The following JAK3 variants were observed in gnomAD, a reference collection of about 807,000 sequenced individuals.
JAK3 encodes tyrosine-protein kinase JAK3.
In JAK3, 88 loss-of-function variants were observed where a neutral mutation model predicts 120.8. That is an observed-to-expected ratio of 0.73 (90% confidence interval 0.61 to 0.87). The LOEUF (loss-of-function observed/expected upper bound fraction) is 0.87. Ranked by LOEUF, JAK3 falls within the 40% of genes least tolerant of loss-of-function variation. The pLI is 0.00. For missense variants in JAK3, 1,254 were observed against 1,501.4 expected, an observed-to-expected ratio of 0.84 and a Z score of 2.72; for synonymous variants, 592 against 628.6, an observed-to-expected ratio of 0.94 and a Z score of 0.87.
chr19:17,842,618 G>T lies in JAK3; in HGVS notation c.567-8C>A, dbSNP rs753082440. The stretch of plus-strand genomic sequence containing the variant: ...GGTAGGCAGGCCTTGTAGCTGCAGG[G>T]GTTGGAGGGGAGGGAGCCGGCCCTC... On this transcript the variant is annotated splice_region_variant and splice_polypyrimidine_tract_variant and intron_variant, in intron 5 of 23. Transcript: ENST00000458235. The surrounding 1 kb of genome is among the most constrained non-coding windows in gnomAD (Gnocchi z 6.4). The T allele has an allele frequency of 8.0e-5, 125 of 1,559,904 alleles. No individual in the cohort carries two copies. The highest frequency in any genetic ancestry group is 1.0e-4 in the Non-Finnish European group (118 of 1,150,078).
chr19:17,843,228 G>T lies in JAK3; in HGVS notation c.421-56C>A. ...AGGCCACCCAACTTCAAGCCCTGTTGTTAACCTGCAGACCCCCCCAATCCT... is the reference window on the plus strand; with the variant it reads ...AGGCCACCCAACTTCAAGCCCTGTTTTTAACCTGCAGACCCCCCCAATCCT... On this transcript the variant is annotated intron_variant, in intron 4 of 23. Coordinates refer to ENST00000458235, the MANE Select transcript of JAK3 (RefSeq NM_000215.4). This position sits in a 1 kb window ranked among gnomAD's most constrained non-coding sequence, Gnocchi z 5.4. 1 of 1,569,630 alleles carries T rather than the reference G, an allele frequency of 6.4e-7. No individual in the cohort carries two copies. Among genetic ancestry groups the T allele is most frequent in the Non-Finnish European group, 8.6e-7 (1 of 1,158,480 alleles).
In JAK3 at chr19:17,826,910, C is replaced by A. The variant is rs1418355502; in HGVS notation, c.3208G>T (p.Val1070Phe). 6.2e-7 allele frequency: 1 copy of A among 1,608,460 alleles called. No homozygotes were observed. The change falls in exon 24 of 24, where the codon GTT (valine) becomes TTT (phenylalanine). Residue 1070 changes from valine to phenylalanine, a missense_variant and splice_region_variant. Around this residue, in one of 3 missense-constraint regions of JAK3, gnomAD observed 630 missense variants for 819.8 expected, o/e 0.77. Transcript: ENST00000458235. ...LPAPPACPAE[V>F]HELMKLCWAP... is the part of the protein sequence containing the mutation. ...CAGCACAGCTTCATGAGCTCGTGAA[C>A]CTGAGGGGCGGGGGACAGATAATGG...
Position 17,834,718 on chromosome 19 carries a change from G to C in JAK3, c.2203C>G (p.Leu735Val), listed in dbSNP as rs761877136. The C allele has an allele frequency of 1.9e-6, 3 of 1,614,130 alleles. No individual in the cohort carries two copies. Among genetic ancestry groups the C allele is most frequent in the Non-Finnish European group, 2.5e-6 (3 of 1,180,012 alleles). ...TGCTGCCGGTCCTCATAAAATTGGA[G>C]TTTCTGAGGGTGAGAGGAGCAGTCG... ...PISALDPAKK[L>V]QFYEDRQQLP... The change falls in exon 17 of 24, where the codon CTC becomes GTC. Residue 735 changes from leucine (L) to valine (V), a missense_variant. Around this residue, in one of 3 missense-constraint regions of JAK3, gnomAD observed 630 missense variants for 819.8 expected, o/e 0.77. Transcript: ENST00000458235.
Position 17,831,816 on chromosome 19 carries a change from T to A in JAK3, c.2681-18A>T, listed in dbSNP as rs1305271328. On this transcript the variant is annotated intron_variant, in intron 19 of 23. Transcript: ENST00000458235. The surrounding 1 kb of genome is among the most constrained non-coding windows in gnomAD (Gnocchi z 5.1). ...CTGGCGGCCTGGAGAAGGCAGGATC[T>A]GTCACAGCAGGGCCCAGCCCTGCTC... is the stretch of plus-strand genomic sequence containing the variant. 5 of 1,612,542 alleles carry A rather than the reference T, an allele frequency of 3.1e-6. No homozygotes were observed. Among genetic ancestry groups the A allele is most frequent in the Non-Finnish European group, 4.2e-6 (5 of 1,179,756 alleles).
rs761583989 is a variant in JAK3, at chr19:17,842,336, A to C, written c.841T>G (p.Trp281Gly). Reference sequence around the variant, plus strand: ...CTCACCTCCTGTTCTCCCTGGGTCCAGGCGATGCCGCCGTCACCAGCCACG... The same window carrying C: ...CTCACCTCCTGTTCTCCCTGGGTCCCGGCGATGCCGCCGTCACCAGCCACG... Reference protein sequence around the residue: ...LRVAGDGGIAWTQGEQEVLQP... With the variant: ...LRVAGDGGIAGTQGEQEVLQP... The change falls in exon 6 of 24, where the codon TGG (tryptophan) becomes GGG (glycine). Residue 281 changes from tryptophan (W) to glycine (G), a missense_variant. By Grantham distance (184) the Trp-to-Gly change is radical. This residue lies in a region of JAK3 where 486 missense variants were observed against 503.0 expected (regional missense o/e 0.97). Transcript: ENST00000458235. The surrounding 1 kb of genome is among the most constrained non-coding windows in gnomAD (Gnocchi z 6.4). 9 of 1,568,940 alleles carry C rather than the reference A, an allele frequency of 5.7e-6. No homozygotes were observed. Among genetic ancestry groups the C allele is most frequent in the Non-Finnish European group, 7.7e-6 (9 of 1,163,654 alleles).
At position 17,830,135 on chromosome 19, in the gene JAK3, C is replaced by A; in HGVS notation, c.3180G>T (p.Leu1060=). Residue 1060 remains leucine (L), a synonymous_variant, in exon 23 of 24, where the codon CTG becomes CTT. Coordinates refer to ENST00000458235, the MANE Select transcript of JAK3 (RefSeq NM_000215.4). ...CAGCAGGGCAGGCAGGAGGCGCCGG[C>A]AGCCTCTGGCCCTCCTCCAGCAGTT... The part of the protein sequence containing the change: ...LLELLEEGQR[L]PAPPACPAEV... 1 of 1,588,442 alleles carries A rather than the reference C, an allele frequency of 6.3e-7. No individual in the cohort carries two copies. Among genetic ancestry groups the A allele is most frequent in the Non-Finnish European group, 8.6e-7 (1 of 1,168,672 alleles).
rs200172082 is a variant in JAK3 at position 17,826,626 on chromosome 19, G to A, written c.*117C>T. ...CCCCCCCAAATGCAATGTCATGGGG[G>A]TGTTCCTGAAGTAGAGGACCCTCAT... On this transcript the variant is annotated 3_prime_UTR_variant, in exon 24 of 24. Transcript: ENST00000458235. The A allele has an allele frequency of 1.8e-6, 2 of 1,094,430 alleles. No individual in the cohort carries two copies. The highest frequency in any genetic ancestry group is 3.1e-5 in the African/African-American group (2 of 64,980). The allele number at this position is 1,094,430 out of a possible 1,614,324, so 67.8% of individuals were successfully genotyped here.
intron 8 of JAK3, 116 bp from the exon 9 acceptor site, chr19:17,840,457 C>T: frequency 1.4e-6 from 1 of 723,358 alleles, no homozygotes; most frequent in Non-Finnish European, 2.4e-6. Flanking sequence ...GTGACACCCT[C>T]CCCCCATTTA....
intron 11 of JAK3, 93 bp downstream of exon 11, chr19:17,838,170 G>A (rs916666779): frequency 4.1e-5 from 66 of 1,612,290 alleles, no homozygotes; most frequent in Non-Finnish European, 5.3e-5. Context: ...GGAAAACCGA[G>A]GCAAGGTAAA....
chr19:17,846,500 T>C (rs2110586), intron 1 of JAK3, among the ~76,000 whole-genome samples: 130,304 of 152,178 alleles, frequency 0.86, 56,021 homozygotes, highest in East Asian at 1. Context: ...GAGATTGATG[T>C]CTAGTTTTGC....
intron 23 of JAK3, among the ~76,000 whole-genome samples, chr19:17,827,717 TAAAAAAAAA>T (rs760856974): frequency 4.4e-4 from 34 of 77,662 alleles, no homozygotes; most frequent in African/African-American, 1.8e-3. Context: ...CCATCTTAAC[TAAAAAAAAA>T]AAAAAAAAAA....
Position 17,832,933 on chromosome 19 carries a change from G to T in JAK3, c.2351-4C>A, listed in dbSNP as rs2147679250. 6.2e-7 allele frequency: 1 copy of T among 1,612,582 alleles called. No homozygotes were observed. The highest frequency in any genetic ancestry group is 8.5e-7 in the Non-Finnish European group (1 of 1,179,482). On this transcript the variant is annotated splice_polypyrimidine_tract_variant and splice_region_variant and intron_variant, in intron 17 of 23. Coordinates refer to ENST00000458235, the MANE Select transcript of JAK3 (RefSeq NM_000215.4). This position sits in a 1 kb window ranked among gnomAD's most constrained non-coding sequence, Gnocchi z 4.7. Reference sequence around the variant, plus strand: ...GGGTCTGAGAGGAGCTCATAGTCTGGGGTGGGGGCATGGGCAGTGGTAAGC... The same window carrying T: ...GGGTCTGAGAGGAGCTCATAGTCTGTGGTGGGGGCATGGGCAGTGGTAAGC...
intron 9 of JAK3, 45 bp from the exon 10 acceptor site, chr19:17,839,708 T>A: frequency 3.7e-6 from 5 of 1,335,202 alleles, no homozygotes; most frequent in Non-Finnish European, 4.2e-6. Flanking sequence ...CGACAGACAC[T>A]CTCCTTCTCA....
In JAK3 at chr19:17,832,716, A is replaced by G. The variant is rs201555883; in HGVS notation, c.2491-8T>C. ...CACGCTGCCAAAGTTGCCCTGGGGG[A>G]TAGCGGGACTGATGTCCAGGCACCT... On this transcript the variant is annotated splice_polypyrimidine_tract_variant and splice_region_variant and intron_variant, in intron 18 of 23. Coordinates refer to ENST00000458235, the MANE Select transcript of JAK3 (RefSeq NM_000215.4). This position sits in a 1 kb window ranked among gnomAD's most constrained non-coding sequence, Gnocchi z 4.7. The G allele has an allele frequency of 8.1e-6, 13 of 1,614,130 alleles. No homozygotes were observed. Among genetic ancestry groups the G allele is most frequent in the Non-Finnish European group, 1.1e-5 (13 of 1,180,026 alleles).
chr19:17,831,942 A>T lies in JAK3; in HGVS notation c.2681-144T>A. 1 of 979,796 alleles carries T rather than the reference A, an allele frequency of 1.0e-6. No individual in the cohort carries two copies. Among genetic ancestry groups the T allele is most frequent in the Non-Finnish European group, 1.6e-6 (1 of 636,916 alleles). 60.7% of individuals were successfully genotyped at this position (979,796 alleles called of 1,614,324 possible). ...GGAACCGCAACAATGACACATTGCT[A>T]ATATCTCTTGAGTACTTTCTACAAC... On this transcript the variant is annotated intron_variant, in intron 19 of 23. Coordinates refer to ENST00000458235, the MANE Select transcript of JAK3 (RefSeq NM_000215.4). This position sits in a 1 kb window ranked among gnomAD's most constrained non-coding sequence, Gnocchi z 5.1.
chr19:17,838,173 A>T (rs2094228959), intron 11 of JAK3, 90 bp downstream of exon 11: 1 of 1,612,268 alleles, frequency 6.2e-7, no homozygotes, highest in Admixed American at 1.7e-5. Context: ...AAACCGAGGC[A>T]AGGTAAAATT....
rs1017174469 is a variant in JAK3, at chr19:17,841,933, C to G, written c.862-171G>C. On this transcript the variant is annotated intron_variant, in intron 6 of 23. Coordinates refer to ENST00000458235, the MANE Select transcript of JAK3 (RefSeq NM_000215.4). The surrounding 1 kb of genome is among the most constrained non-coding windows in gnomAD (Gnocchi z 4.1). Reference sequence around the variant, plus strand: ...ACCTCTCAACACCTCCCCTACCCATCCCCAAACATCTCCCACCCGCTCTGC... The same window carrying G: ...ACCTCTCAACACCTCCCCTACCCATGCCCAAACATCTCCCACCCGCTCTGC... Among the ~76,000 whole-genome samples, 1 of 151,858 alleles carries G rather than the reference C, an allele frequency of 6.6e-6. No individual in the cohort carries two copies. Among genetic ancestry groups the G allele is most frequent in the East Asian group, 1.9e-4 (1 of 5,140 alleles).
intron 9 of JAK3, 100 bp downstream of exon 9, chr19:17,840,130 T>C (rs1470207651): frequency 2.4e-6 from 2 of 822,548 alleles, no homozygotes; most frequent in African/African-American, 3.4e-5. Context: ...TTTTCCCTCC[T>C]ATTCTTCAGG....
rs1252640601 is a variant in JAK3, at chr19:17,843,581, G to A, written c.309-90C>T. The A allele has an allele frequency of 1.7e-5, 20 of 1,193,738 alleles. No individual in the cohort carries two copies. Among genetic ancestry groups the A allele is most frequent in the East Asian group, 1.4e-4 (6 of 41,618 alleles). 73.9% of individuals were successfully genotyped at this position (1,193,738 alleles called of 1,614,324 possible). On this transcript the variant is annotated intron_variant, in intron 3 of 23. Transcript: ENST00000458235. The surrounding 1 kb of genome is among the most constrained non-coding windows in gnomAD (Gnocchi z 5.4). Reference sequence around the variant, plus strand: ...GGTGGGGGCGAGGGACAGATTCTGCGGAGGCCTCACAGAGCCCAGCTTGTA... The same window carrying A: ...GGTGGGGGCGAGGGACAGATTCTGCAGAGGCCTCACAGAGCCCAGCTTGTA...
Sources: gnomAD v4.1 joint callset for allele counts (sites outside exome capture counted in the v4.1 genomes callset) on GRCh38, gnomAD v4.1.1 for gene constraint, gnomAD v4.1.1 regional missense constraint, Gnocchi (gnomAD v3.1) non-coding constraint, MANE v1.5 for transcripts, NCBI Gene and HGNC (gene_info 2026-07-23, HGNC 2026-07-21) for gene names.